Variants in CSMD1 observed in about 807,000 individuals in gnomAD.
CSMD1 encodes CUB and sushi domain-containing protein 1.
A neutral mutation model predicts 417.5 loss-of-function variants in CSMD1; 213 were observed. The observed-to-expected ratio is 0.51, with a 90% CI of 0.46 to 0.57. The LOEUF is 0.57. Among genes scored for constraint, CSMD1 ranks in the 20% least tolerant of loss-of-function variants. CSMD1 has a pLI of 0.00. For synonymous variants in CSMD1, 2,862 were observed against 1,736.8 expected (o/e 1.65, Z -16.11); for missense variants, 6,923 against 4,529.7 (o/e 1.53, Z -15.17).
intron 5 of CSMD1, among the ~76,000 whole-genome samples, chr8:3,764,131 C>A (rs921926702): frequency 6.6e-6 from 1 of 152,136 alleles, no homozygotes; most frequent in Non-Finnish European, 1.5e-5. Context: ...AAGCAGGGCT[C>A]AGGGAGTGCA....
chr8:3,997,359 A>C (rs1815295847), intron 5 of CSMD1, among the ~76,000 whole-genome samples: 1 of 152,148 alleles, frequency 6.6e-6, no homozygotes, highest in Non-Finnish European at 1.5e-5. Context: ...CAGAGAACTG[A>C]CCACCCTGCG....
chr8:4,250,851 G>T (rs1226699263), intron 3 of CSMD1, among the ~76,000 whole-genome samples: 1 of 152,156 alleles, frequency 6.6e-6, no homozygotes, highest in Non-Finnish European at 1.5e-5. Context: ...TCAACACCTT[G>T]TCACTATTTA....
chr8:4,521,955 C>T (rs757078278), intron 2 of CSMD1, among the ~76,000 whole-genome samples: 1 of 152,096 alleles, frequency 6.6e-6, no homozygotes, highest in Non-Finnish European at 1.5e-5. Flanking sequence ...TGAAAGTTCC[C>T]AGATAGCCTG....
At chr8:4,378,995 G>C (rs1473447322) in intron 3 of CSMD1, among the ~76,000 whole-genome samples, 1 of 152,072 alleles carries the variant, frequency 6.6e-6, no homozygotes, top group Non-Finnish European at 1.5e-5. Flanking sequence ...AGCTCAGATG[G>C]ATTAAGAAAG....
At chr8:3,369,448 A>T (rs960615578) in intron 18 of CSMD1, 78 bp from the exon 19 acceptor site, 2 of 708,896 alleles carry the variant, frequency 2.8e-6, no homozygotes, top group Non-Finnish European at 4.9e-6. Flanking sequence ...GTTAAATGGC[A>T]TGCAATTTGC....
chr8:3,124,280 T>C (rs559162101), intron 41 of CSMD1, among the ~76,000 whole-genome samples: 2 of 152,318 alleles, frequency 1.3e-5, no homozygotes, highest in East Asian at 3.9e-4. Context: ...AAATGCGTCT[T>C]ACTCTGGTGA....
intron 2 of CSMD1, among the ~76,000 whole-genome samples, chr8:4,473,473 C>G (rs922673285): frequency 1.3e-5 from 2 of 152,008 alleles, no homozygotes; most frequent in East Asian, 1.9e-4. Flanking sequence ...AAAGTAATAC[C>G]CAGTGTCTGC....
At chr8:4,493,604 G>A (rs915696068) in intron 2 of CSMD1, among the ~76,000 whole-genome samples, 2 of 152,288 alleles carry the variant, frequency 1.3e-5, no homozygotes, top group African/African-American at 4.8e-5. Flanking sequence ...CTGAGGTGGG[G>A]AGATTGCTTG....
intron 1 of CSMD1, among the ~76,000 whole-genome samples, chr8:4,937,419 T>C (rs953244493): frequency 2.6e-5 from 4 of 152,142 alleles, no homozygotes; most frequent in African/African-American, 7.2e-5. Context: ...AGAATTCATA[T>C]AAAAATAGTG....
intron 5 of CSMD1, among the ~76,000 whole-genome samples, chr8:3,811,922 T>C (rs925374228): frequency 2.6e-5 from 4 of 152,184 alleles, no homozygotes; most frequent in African/African-American, 4.8e-5. Context: ...ACAAAGCACA[T>C]ATAGATAAAA....
rs752217365 is a variant in CSMD1 at position 4,757,328 on chromosome 8, A to T, written c.86-119770T>A. 6.6e-5 allele frequency among the ~76,000 whole-genome samples: 10 copies of T among 152,310 alleles called. 1 individual carries two copies. Among genetic ancestry groups the T allele is most frequent in the Admixed American group, 2.6e-4 (4 of 15,284 alleles). On this transcript the variant is annotated intron_variant, in intron 1 of 69. Transcript: ENST00000635120. ...ATCATAACCTGGCTATCATGTCTTG[A>T]ATTTCTCCTGTGTGCTAGCTAGGCC...
intron 4 of CSMD1, among the ~76,000 whole-genome samples, chr8:4,025,763 T>C (rs959357668): frequency 3.3e-5 from 5 of 152,178 alleles, no homozygotes; most frequent in Non-Finnish European, 7.4e-5. Flanking sequence ...TGATGTTTGT[T>C]CCCTGTTTAA....
At chr8:3,878,915 A>C (rs964143542) in intron 5 of CSMD1, among the ~76,000 whole-genome samples, 1 of 152,248 alleles carries the variant, frequency 6.6e-6, no homozygotes, top group Non-Finnish European at 1.5e-5. Context: ...GAAGTCTCAG[A>C]GAATGTACAT....
At chr8:3,614,788 G>T (rs971326942) in intron 8 of CSMD1, among the ~76,000 whole-genome samples, 1 of 152,182 alleles carries the variant, frequency 6.6e-6, no homozygotes, top group Admixed American at 6.5e-5. Flanking sequence ...TAGTCACTGA[G>T]GATGCAAAGA....
At chr8:4,334,853 G>A (rs74411507) in intron 3 of CSMD1, among the ~76,000 whole-genome samples, 7,315 of 152,078 alleles carry the variant, frequency 0.048, 214 homozygotes, top group Middle Eastern at 0.14. Flanking sequence ...ATTTCTCATT[G>A]ATCTGGAGGC....
intron 3 of CSMD1, among the ~76,000 whole-genome samples, chr8:4,128,273 G>C (rs879614791): frequency 2.0e-5 from 3 of 152,144 alleles, no homozygotes; most frequent in Admixed American, 6.5e-5. Flanking sequence ...GAATGCATGA[G>C]TAAGAATGAT....
intron 1 of CSMD1, among the ~76,000 whole-genome samples, chr8:4,760,839 G>C (rs1420617643): frequency 6.6e-6 from 1 of 152,158 alleles, no homozygotes; most frequent in Non-Finnish European, 1.5e-5. Flanking sequence ...AATTCCCATA[G>C]AATAATCATA....
intron 5 of CSMD1, among the ~76,000 whole-genome samples, chr8:3,892,103 G>A (rs544718016): frequency 1.3e-5 from 2 of 151,690 alleles, no homozygotes; most frequent in African/African-American, 2.4e-5. Context: ...TCCTATTCAG[G>A]CAGGACAGAT....
At chr8:3,407,480 C>A (rs1563355987) in intron 14 of CSMD1, among the ~76,000 whole-genome samples, 3 of 150,150 alleles carry the variant, frequency 2.0e-5, no homozygotes, top group African/African-American at 7.4e-5. Flanking sequence ...TGGATAGATG[C>A]ATGGATGGAT....
Sources: allele counts gnomAD v4.1 joint callset (sites outside exome capture counted in the v4.1 genomes callset), GRCh38; gene constraint gnomAD v4.1.1; transcripts MANE v1.5; gene names NCBI Gene and HGNC (gene_info 2026-07-23, HGNC 2026-07-21).